Variants in MELTF observed in about 807,000 individuals in gnomAD.
MELTF encodes the protein antigen p97 (melanoma associated) identified by monoclonal antibodies 133.2 and 96.5.
A neutral mutation model predicts 83.7 loss-of-function variants in MELTF; 67 were observed. The ratio of observed to expected loss-of-function variants is 0.80; its 90% CI spans 0.66 to 0.98. MELTF has a LOEUF of 0.98. Ranked by LOEUF, MELTF falls within the 50% of genes least tolerant of loss-of-function variation. The probability of loss-of-function intolerance (pLI) is 0.00; values close to 1 mark genes in which losing one functional copy is unlikely to be tolerated. For synonymous variants in MELTF, 462 were observed against 447.6 expected, an observed-to-expected ratio of 1.03 and a Z score of -0.41; for missense variants, 1,002 against 1,035.6, an observed-to-expected ratio of 0.97 and a Z score of 0.44.
chr3:197,008,565 T>G lies in MELTF; in HGVS notation c.1750+92A>C. 1 of 1,416,708 alleles carries G rather than the reference T, an allele frequency of 7.1e-7. No homozygotes were observed. The highest frequency in any genetic ancestry group is 9.7e-7 in the Non-Finnish European group (1 of 1,027,744). 87.8% of individuals were successfully genotyped at this position (1,416,708 alleles called of 1,614,324 possible). ...AGACTCAGCCTCTCTGAGCTGCTGC[T>G]TGGCCCCAGCCCAGCATGGTGTCTG... On this transcript the variant is annotated intron_variant, in intron 13 of 15. Transcript: ENST00000296350. The surrounding 1 kb of genome is among the most constrained non-coding windows in gnomAD (Gnocchi z 5.4).
chr3:197,021,614 G>C lies in MELTF; in HGVS notation c.645-143C>G, dbSNP rs894794194. ...TGTGTGGTCTGGGTTCCAGCTCCCTGGCTGGTCGGCTGTGTGCCTTTGCCG... is the reference window on the plus strand; with the variant it reads ...TGTGTGGTCTGGGTTCCAGCTCCCTCGCTGGTCGGCTGTGTGCCTTTGCCG... On this transcript the variant is annotated intron_variant, in intron 5 of 15. Coordinates refer to ENST00000296350, the MANE Select transcript of MELTF (RefSeq NM_005929.6). 4.2e-6 allele frequency: 3 copies of C among 707,234 alleles called. No individual in the cohort carries two copies. In the South Asian group the frequency reaches 5.2e-5, roughly 12 times the overall value. 43.8% of individuals were successfully genotyped at this position (707,234 alleles called of 1,614,324 possible).
rs1318528887 is a variant in MELTF at position 197,008,890 on chromosome 3, A to G, written c.1601T>C (p.Leu534Pro). The stretch of plus-strand genomic sequence containing the variant: ...GCGGCCCTGCTCGTCCCCCACGCAC[A>G]GTGCACACAGCGAGGAGGGGTAGTT... The part of the protein sequence containing the change: ...PKNYPSSLCA[L>P]CVGDEQGRNK... Residue 534 changes from leucine to proline, a missense_variant, in exon 12 of 16, where the codon CTG (leucine) becomes CCG (proline). Coordinates refer to ENST00000296350, the MANE Select transcript of MELTF (RefSeq NM_005929.6). This position sits in a 1 kb window ranked among gnomAD's most constrained non-coding sequence, Gnocchi z 5.4. 1.9e-6 allele frequency: 3 copies of G among 1,614,040 alleles called. No homozygotes were observed. In the African/African-American group the frequency reaches 4.0e-5, roughly 22 times the overall value.
In MELTF at chr3:197,002,752, G is replaced by C. The variant is rs1553845668; in HGVS notation, c.*620C>G. The C allele has an allele frequency of 6.6e-6, 1 of 152,300 alleles. No individual in the cohort carries two copies. Among genetic ancestry groups the C allele is most frequent in the Non-Finnish European group, 1.5e-5 (1 of 68,106 alleles). The allele number at this position is 152,300 out of a possible 1,614,324, so 9.4% of individuals were successfully genotyped here. A position where few individuals can be genotyped will look rare whatever the true frequency, so the allele number is the denominator to read the frequency against. On this transcript the variant is annotated 3_prime_UTR_variant, in exon 16 of 16. Coordinates refer to ENST00000296350, the MANE Select transcript of MELTF (RefSeq NM_005929.6). ...CTGGCGCGGCCACAGTGGGGGACGAGGCAGGGCACGCGGCGTTCCCCGGGC... is the reference window on the plus strand; with the variant it reads ...CTGGCGCGGCCACAGTGGGGGACGACGCAGGGCACGCGGCGTTCCCCGGGC...
chr3:197,019,778 A>C (rs1420903500), intron 6 of MELTF: 1 of 1,581,672 alleles, frequency 6.3e-7, no homozygotes, highest in African/African-American at 1.3e-5. Flanking sequence ...GATCTGGTCC[A>C]TGTTTGCCTT....
rs534235043 is a variant in MELTF, at chr3:197,022,662, T to C, written c.644+295A>G. On this transcript the variant is annotated intron_variant, in intron 5 of 15. Transcript: ENST00000296350. The surrounding 1 kb of genome is among the most constrained non-coding windows in gnomAD (Gnocchi z 5.1). The stretch of plus-strand genomic sequence containing the variant: ...ACCCCGCTCCCTGCTGGTCTGAGAA[T>C]GGGGACATGGGAGTGGCCAAAAGGC... Among the ~76,000 whole-genome samples, 13 of 152,240 alleles carry C rather than the reference T, an allele frequency of 8.5e-5. No homozygotes were observed. Among genetic ancestry groups the C allele is most frequent in the South Asian group, 4.1e-4 (2 of 4,824 alleles).
chr3:197,028,091 G>A, intron 1 of MELTF, 181 bp from the exon 2 acceptor site: 1 of 675,446 alleles, frequency 1.5e-6, no homozygotes, highest in Non-Finnish European at 2.5e-6. Flanking sequence ...TGGTATTCCT[G>A]TGCTCAGGGC....
At chr3:197,010,878 T>TTGTGGGGTGGCAGGA in intron 9 of MELTF, 84 bp from the exon 10 acceptor site, 1 of 1,253,210 alleles carries the variant, frequency 8.0e-7, no homozygotes, top group East Asian at 2.4e-5. Flanking sequence ...TGGCAGGGCC[T>TTGTGGGGTGGCAGGA]GGTCTCTTGG....
At position 197,024,168 on chromosome 3, in the gene MELTF, C is replaced by T. The variant is rs1252313113; in HGVS notation, c.487+135G>A. The stretch of plus-strand genomic sequence containing the variant: ...GGAGGCGGGGGAGGCACGGGGCGGG[C>T]GGGGGCTGCTGCGCCTTCCAGGAAT... On this transcript the variant is annotated intron_variant, in intron 4 of 15. Transcript: ENST00000296350. The surrounding 1 kb of genome is among the most constrained non-coding windows in gnomAD (Gnocchi z 5.3). 5.1e-5 allele frequency: 37 copies of T among 721,624 alleles called. No individual in the cohort carries two copies. In the Admixed American group the frequency reaches 9.5e-4, roughly 19 times the overall value. The allele number at this position is 721,624 out of a possible 1,614,324, so 44.7% of individuals were successfully genotyped here.
intron 8 of MELTF, among the ~76,000 whole-genome samples, 157 bp downstream of exon 8, chr3:197,016,032 C>T (rs188162266): frequency 1.3e-5 from 2 of 152,258 alleles, no homozygotes; most frequent in African/African-American, 4.8e-5. Context: ...AGAGATGCCT[C>T]CTCCCCAAAG....
At position 197,009,778 on chromosome 3, in the gene MELTF, G is replaced by A. The variant is rs769615872; in HGVS notation, c.1365C>T (p.Ala455=). 1.9e-5 allele frequency: 31 copies of A among 1,613,244 alleles called. No homozygotes were observed. The highest frequency in any genetic ancestry group is 1.2e-4 in the South Asian group (11 of 91,082). Residue 455 remains alanine (A), a synonymous_variant, in exon 11 of 16, where the codon GCC becomes GCT. Transcript: ENST00000296350. The part of the protein sequence containing the change: ...EDSSNSYYVV[A]VVRRDSSHAF... Reference sequence around the variant, plus strand: ...CGTGGGAGCTGTCCCGTCTCACCACGGCCACCACGTAGTACGAGTTGCTGC... The same window carrying A: ...CGTGGGAGCTGTCCCGTCTCACCACAGCCACCACGTAGTACGAGTTGCTGC...
In MELTF at chr3:197,007,642, C is replaced by T. The variant is rs2108956235; in HGVS notation, c.1751-906G>A. 6.6e-6 allele frequency among the ~76,000 whole-genome samples: 1 copy of T among 152,270 alleles called. No individual in the cohort carries two copies. The highest frequency in any genetic ancestry group is 2.1e-4 in the South Asian group (1 of 4,830). On this transcript the variant is annotated intron_variant, in intron 13 of 15. Transcript: ENST00000296350. The surrounding 1 kb of genome is among the most constrained non-coding windows in gnomAD (Gnocchi z 4.3). ...TCCCTGGGGGAGGGTTTCAGGTGTT[C>T]TTGGTAGGAGGCTGGGTGGGGGAGC...
In MELTF at chr3:197,024,190, G is replaced by T; in HGVS notation, c.487+113C>A. The T allele has an allele frequency of 8.2e-7, 1 of 1,221,652 alleles. No individual in the cohort carries two copies. Among genetic ancestry groups the T allele is most frequent in the Non-Finnish European group, 1.1e-6 (1 of 879,822 alleles). 75.7% of individuals were successfully genotyped at this position (1,221,652 alleles called of 1,614,324 possible). Reference sequence around the variant, plus strand: ...GGGCGGGGGCTGCTGCGCCTTCCAGGAATGAAGAATGGTGGCGAGGCCGGA... The same window carrying T: ...GGGCGGGGGCTGCTGCGCCTTCCAGTAATGAAGAATGGTGGCGAGGCCGGA... On this transcript the variant is annotated intron_variant, in intron 4 of 15. Transcript: ENST00000296350. This position sits in a 1 kb window ranked among gnomAD's most constrained non-coding sequence, Gnocchi z 5.3.
chr3:197,026,143 G>T (rs547107594), intron 3 of MELTF: 4 of 156,992 alleles, frequency 2.5e-5, no homozygotes, highest in African/African-American at 9.6e-5. Context: ...TAGTCTGGGT[G>T]ACAGCGCAGG....
rs180789805 is a variant in MELTF, at chr3:197,013,440, C to T, written c.1233+1925G>A. Among the ~76,000 whole-genome samples the T allele has an allele frequency of 4.0e-4, 61 of 152,246 alleles. 1 individual carries two copies. In the South Asian group the frequency reaches 0.01, roughly 25 times the overall value. On this transcript the variant is annotated intron_variant, in intron 9 of 15. Coordinates refer to ENST00000296350, the MANE Select transcript of MELTF (RefSeq NM_005929.6). ...ATTGCTGAAGAGAATATAGGCAAAA[C>T]GCTTCAGGACATTGGTCTGAGAAAA...
At chr3:197,019,104 G>A (rs888338489) in intron 6 of MELTF, 8 of 985,656 alleles carry the variant, frequency 8.1e-6, no homozygotes, top group African/African-American at 3.5e-5. Context: ...CAGAGTGATC[G>A]TTTAGGAAAA....
rs1719026047 is a variant in MELTF, at chr3:197,007,627, A to G, written c.1751-891T>C. Among the ~76,000 whole-genome samples the G allele has an allele frequency of 6.6e-6, 1 of 151,854 alleles. No homozygotes were observed. Among genetic ancestry groups the G allele is most frequent in the Non-Finnish European group, 1.5e-5 (1 of 67,928 alleles). The stretch of plus-strand genomic sequence containing the variant: ...GGAGCACACAGCCCCTCCCTGGGGG[A>G]GGGTTTCAGGTGTTCTTGGTAGGAG... On this transcript the variant is annotated intron_variant, in intron 13 of 15. Coordinates refer to ENST00000296350, the MANE Select transcript of MELTF (RefSeq NM_005929.6). The surrounding 1 kb of genome is among the most constrained non-coding windows in gnomAD (Gnocchi z 4.3).
In MELTF at chr3:197,027,758, C is replaced by T. The variant is rs764863797; in HGVS notation, c.202G>A (p.Ala68Thr). The T allele has an allele frequency of 1.1e-5, 18 of 1,606,118 alleles. 1 individual carries two copies. The highest frequency in any genetic ancestry group is 1.0e-4 in the South Asian group (9 of 90,426). Residue 68 changes from alanine to threonine, a missense_variant and splice_region_variant, in exon 2 of 16, where the codon GCG becomes ACG. By Grantham distance (58) the Ala-to-Thr change is moderately conservative. Coordinates refer to ENST00000296350, the MANE Select transcript of MELTF (RefSeq NM_005929.6). ...AGGGTGGAAGGGAGAGGACTCACCG[C>T]GATGAGCTGGACGCAGTGGTCGGCG... ...TSADHCVQLI[A>T]AQEADAITLD...
intron 9 of MELTF, 69 bp from the exon 10 acceptor site, chr3:197,010,863 G>GCCACA: frequency 7.2e-7 from 1 of 1,389,058 alleles, no homozygotes. Flanking sequence ...GGGGTCCTGT[G>GCCACA]GAGGTGGCAG....
At chr3:197,025,645 G>A (rs1410145819) in intron 3 of MELTF, 2 of 152,528 alleles carry the variant, frequency 1.3e-5, no homozygotes, top group African/African-American at 2.4e-5. Context: ...GCTCAGTAGA[G>A]GTGTCGAGTT....
Sources: gnomAD v4.1 joint callset for allele counts (sites outside exome capture counted in the v4.1 genomes callset) on GRCh38, gnomAD v4.1.1 for gene constraint, Gnocchi (gnomAD v3.1) non-coding constraint, MANE v1.5 for transcripts, NCBI Gene and HGNC (gene_info 2026-07-23, HGNC 2026-07-21) for gene names.